Variants in M1AP observed in about 807,000 individuals in gnomAD.
The protein encoded by M1AP is meiosis 1 arrest protein.
In M1AP, 39 loss-of-function variants were observed where a neutral mutation model predicts 51.2. The ratio of observed to expected loss-of-function variants is 0.76; its 90% CI spans 0.59 to 1.00. The LOEUF (loss-of-function observed/expected upper bound fraction) is 1.00, where lower values mean the gene tolerates loss of function less well. M1AP is among the 50% of genes least tolerant of loss of function. The probability of loss-of-function intolerance (pLI) is 0.00; values close to 1 mark genes in which losing one functional copy is unlikely to be tolerated. For synonymous variants in M1AP, 251 were observed against 249.2 expected, an observed-to-expected ratio of 1.01 and a Z score of -0.07; for missense variants, 545 against 641.2, an observed-to-expected ratio of 0.85 and a Z score of 1.62.
chr2:74,648,266 T>G lies in M1AP; in HGVS notation c.-54A>C. 1.0e-6 allele frequency: 1 copy of G among 985,142 alleles called. No homozygotes were observed. Among genetic ancestry groups the G allele is most frequent in the Non-Finnish European group, 1.2e-6 (1 of 829,636 alleles). 61.0% of individuals were successfully genotyped at this position (985,142 alleles called of 1,614,324 possible). A position where few individuals can be genotyped will look rare whatever the true frequency, so the allele number is the denominator to read the frequency against. ...TCCCCGAGGCGTGGAGAACCGTACC[T>G]GTCTTCGGAAGACGGAGGCCCCCTC... On this transcript the variant is annotated splice_region_variant and 5_prime_UTR_variant, in exon 1 of 11. Transcript: ENST00000421985.
At chr2:74,617,015 C>T (rs1681707923) in intron 2 of M1AP, among the ~76,000 whole-genome samples, 1 of 152,078 alleles carries the variant, frequency 6.6e-6, no homozygotes, top group Admixed American at 6.5e-5. Context: ...TGACCAGATA[C>T]CCAAAAGGCT....
At chr2:74,633,425 G>A (rs1682810838) in intron 2 of M1AP, among the ~76,000 whole-genome samples, 1 of 152,086 alleles carries the variant, frequency 6.6e-6, no homozygotes, top group Admixed American at 6.6e-5. Context: ...CCATCCCCCA[G>A]GTGATGTCTG....
intron 7 of M1AP, 184 bp downstream of exon 7, chr2:74,575,254 T>C: frequency 1.0e-6 from 1 of 973,622 alleles, no homozygotes; most frequent in Non-Finnish European, 1.2e-6. Flanking sequence ...GGAATTATTC[T>C]CTATAGCATG....
intron 7 of M1AP, among the ~76,000 whole-genome samples, chr2:74,565,825 T>TCTCACA (rs1284975781): frequency 1.4e-4 from 19 of 138,008 alleles, no homozygotes; most frequent in African/African-American, 3.5e-4. Context: ...TGAGATGCCG[T>TCTCACA]CACACACACA....
In M1AP at chr2:74,585,429, C is replaced by T. The variant is rs544954481; in HGVS notation, c.596-3582G>A. The stretch of plus-strand genomic sequence containing the variant: ...GTGTTTTGCTGGCAAAATTAACTTT[C>T]TGATCCTGCGAAGCTAAAGAACCAG... On this transcript the variant is annotated intron_variant, in intron 4 of 10. Transcript: ENST00000421985. 5.9e-5 allele frequency among the ~76,000 whole-genome samples: 9 copies of T among 152,310 alleles called. No individual in the cohort carries two copies. In the South Asian group the frequency reaches 1.9e-3, roughly 32 times the overall value.
At chr2:74,607,338 T>C (rs1488347593) in intron 3 of M1AP, 115 bp from the exon 4 acceptor site, 4 of 1,008,210 alleles carry the variant, frequency 4.0e-6, no homozygotes, top group South Asian at 3.1e-5. Context: ...GTGGCTATTA[T>C]GTTTAGTGCA....
chr2:74,633,692 A>C (rs927769584), intron 2 of M1AP, among the ~76,000 whole-genome samples: 1 of 152,210 alleles, frequency 6.6e-6, no homozygotes, highest in Non-Finnish European at 1.5e-5. Context: ...ATTTAGGACC[A>C]TAACAACATA....
Position 74,558,713 on chromosome 2 carries a change from G to T in M1AP, c.*3C>A. The T allele has an allele frequency of 6.2e-7, 1 of 1,611,684 alleles. No individual in the cohort carries two copies. Among genetic ancestry groups the T allele is most frequent in the Non-Finnish European group, 8.5e-7 (1 of 1,179,046 alleles). On this transcript the variant is annotated 3_prime_UTR_variant, in exon 11 of 11. Coordinates refer to ENST00000421985, the MANE Select transcript of M1AP (RefSeq NM_001321739.2). Reference sequence around the variant, plus strand: ...TGGGCAGCTGGGCTCTGGTGCTGGTGACTTAGGGCCTTGAGGGATCCTTCT... The same window carrying T: ...TGGGCAGCTGGGCTCTGGTGCTGGTTACTTAGGGCCTTGAGGGATCCTTCT...
intron 4 of M1AP, among the ~76,000 whole-genome samples, chr2:74,584,448 C>CAAAAAAA (rs772920948): frequency 4.1e-5 from 3 of 73,546 alleles, no homozygotes; most frequent in African/African-American, 4.9e-5. Context: ...GTCTCAGTTG[C>CAAAAAAA]AAAAAAAAAA....
In M1AP at chr2:74,583,344, G is replaced by A. The variant is rs561861109; in HGVS notation, c.596-1497C>T. Among the ~76,000 whole-genome samples, 17 of 152,314 alleles carry A rather than the reference G, an allele frequency of 1.1e-4. No homozygotes were observed. In the South Asian group the frequency reaches 1.9e-3, roughly 17 times the overall value. ...TGGCATACTGTATCTCACAAGTGTG[G>A]TTAACAGCAAAAAGGATGGGGAGGG... On this transcript the variant is annotated intron_variant, in intron 4 of 10. Coordinates refer to ENST00000421985, the MANE Select transcript of M1AP (RefSeq NM_001321739.2).
At position 74,609,533 on chromosome 2, in the gene M1AP, T is replaced by C. The variant is rs78744792; in HGVS notation, c.427-2310A>G. On this transcript the variant is annotated intron_variant, in intron 3 of 10. Transcript: ENST00000421985. ...TGCAATAAACCTGGGAGTGAAGATA[T>C]CTCTCCAACACACTGATTTCATTTC... 2.8e-3 allele frequency among the ~76,000 whole-genome samples: 423 copies of C among 152,350 alleles called. 1 individual carries two copies. The highest frequency in any genetic ancestry group is 5.1e-3 in the Non-Finnish European group (349 of 68,034).
In M1AP at chr2:74,583,606, A is replaced by T. The variant is rs185160091; in HGVS notation, c.596-1759T>A. On this transcript the variant is annotated intron_variant, in intron 4 of 10. Coordinates refer to ENST00000421985, the MANE Select transcript of M1AP (RefSeq NM_001321739.2). The stretch of plus-strand genomic sequence containing the variant: ...GGAACTCTACTTTCCTTGCTTCATC[A>T]GGAGGGATCTCTGAAATACTTTTAC... Among the ~76,000 whole-genome samples the T allele has an allele frequency of 9.2e-5, 14 of 152,352 alleles. No individual in the cohort carries two copies. The East Asian group carries it at 2.7e-3, about 29-fold the overall frequency.
chr2:74,576,387 G>A lies in M1AP; in HGVS notation c.932+69C>T, dbSNP rs1679066797. 3.6e-5 allele frequency: 55 copies of A among 1,517,760 alleles called. No homozygotes were observed. The South Asian group carries it at 5.9e-4, about 16-fold the overall frequency. 94.0% of individuals were successfully genotyped at this position (1,517,760 alleles called of 1,614,324 possible). ...CACTTAAGAGATACCATCTATCTCT[G>A]GAGTTCCTAGCCACAGAACCACTAA... On this transcript the variant is annotated intron_variant, in intron 6 of 10. Coordinates refer to ENST00000421985, the MANE Select transcript of M1AP (RefSeq NM_001321739.2).
At chr2:74,576,757 G>T in intron 5 of M1AP, 139 bp from the exon 6 acceptor site, 1 of 1,221,532 alleles carries the variant, frequency 8.2e-7, no homozygotes, top group Non-Finnish European at 1.1e-6. Context: ...AGGGATAGGA[G>T]GAGGCAGGAG....
At chr2:74,579,670 C>CT (rs1224994298) in intron 5 of M1AP, among the ~76,000 whole-genome samples, 1 of 152,012 alleles carries the variant, frequency 6.6e-6, no homozygotes, top group East Asian at 1.9e-4. Context: ...GGCAGGCACT[C>CT]TAAGTCCTTA....
chr2:74,572,807 TG>T (rs1678826715), intron 7 of M1AP, among the ~76,000 whole-genome samples: 1 of 152,256 alleles, frequency 6.6e-6, no homozygotes, highest in Non-Finnish European at 1.5e-5. Flanking sequence ...CTCCAAAATA[TG>T]GGTATCTACT....
chr2:74,630,505 C>A (rs140052550), intron 2 of M1AP, among the ~76,000 whole-genome samples: 1 of 152,134 alleles, frequency 6.6e-6, no homozygotes, highest in Non-Finnish European at 1.5e-5. Flanking sequence ...TCAACGGGCC[C>A]CAGTGTGTGT....
chr2:74,572,124 C>T (rs1299585051), intron 7 of M1AP, among the ~76,000 whole-genome samples: 2 of 152,072 alleles, frequency 1.3e-5, no homozygotes, highest in Admixed American at 6.6e-5. Flanking sequence ...ATGAGTAAGC[C>T]GTTGTTATGA....
intron 1 of M1AP, among the ~76,000 whole-genome samples, chr2:74,646,204 C>T (rs1355360583): frequency 2.0e-5 from 3 of 152,172 alleles, no homozygotes; most frequent in Non-Finnish European, 2.9e-5. Flanking sequence ...GTTGTGTCGC[C>T]TCCTTGTCTC....
Sources: allele counts gnomAD v4.1 joint callset (sites outside exome capture counted in the v4.1 genomes callset), GRCh38; gene constraint gnomAD v4.1.1; transcripts MANE v1.5; gene names NCBI Gene and HGNC (gene_info 2026-07-23, HGNC 2026-07-21).